DOCK2: variants seen among roughly 807,000 people sequenced by gnomAD.
DOCK2 encodes the protein dedicator of cytokinesis protein 2.
A neutral mutation model predicts 248.9 loss-of-function variants in DOCK2; 87 were observed. The observed-to-expected ratio is 0.35, with a 90% CI of 0.29 to 0.42. The LOEUF is 0.42. Among genes scored for constraint, DOCK2 ranks in the 10% least tolerant of loss-of-function variants. DOCK2 has a pLI of 1.00. For synonymous variants in DOCK2, 805 were observed against 821.6 expected (o/e 0.98, Z 0.35); for missense variants, 1,747 against 2,300.2 (o/e 0.76, Z 4.92).
intron 48 of DOCK2, among the ~76,000 whole-genome samples, chr5:170,078,373 C>T (rs1211811798): frequency 1.3e-5 from 2 of 152,194 alleles, no homozygotes; most frequent in Admixed American, 1.3e-4. Flanking sequence ...GTTACTCTTG[C>T]CCAGAGGGAA....
At chr5:169,946,357 G>A (rs1047763383) in intron 27 of DOCK2, among the ~76,000 whole-genome samples, 2 of 152,194 alleles carry the variant, frequency 1.3e-5, no homozygotes, top group Non-Finnish European at 2.9e-5. Flanking sequence ...TGAGGGGGAC[G>A]AGTCACAGGA....
chr5:170,075,438 T>C (rs898726943), intron 46 of DOCK2: 1 of 153,376 alleles, frequency 6.5e-6, no homozygotes, highest in Non-Finnish European at 1.5e-5. Context: ...ATATCCTTCT[T>C]CAGCAGCTGT....
intron 22 of DOCK2, among the ~76,000 whole-genome samples, chr5:169,743,845 A>G (rs1156966068): frequency 1.3e-5 from 2 of 148,350 alleles, no homozygotes; most frequent in Non-Finnish European, 3.0e-5. Flanking sequence ...TTTATATTTT[A>G]AGACATATAG....
chr5:169,646,898 C>A (rs1757501116), intron 1 of DOCK2, among the ~76,000 whole-genome samples: 1 of 152,232 alleles, frequency 6.6e-6, no homozygotes, highest in Admixed American at 6.5e-5. Flanking sequence ...TTCTTACAGT[C>A]TGTTCAGATC....
intron 25 of DOCK2, among the ~76,000 whole-genome samples, chr5:169,777,404 G>A (rs80241665): frequency 4.6e-5 from 7 of 152,322 alleles, no homozygotes; most frequent in Non-Finnish European, 7.3e-5. Context: ...GTCCTAGGCA[G>A]CCAAAGTAGA....
intron 27 of DOCK2, among the ~76,000 whole-genome samples, chr5:169,857,696 C>T (rs1581297640): frequency 6.7e-6 from 1 of 149,518 alleles, no homozygotes; most frequent in African/African-American, 2.5e-5. Flanking sequence ...TTAAGTCTCT[C>T]TTTGAGAAGA....
intron 25 of DOCK2, among the ~76,000 whole-genome samples, chr5:169,776,662 G>C (rs960551106): frequency 6.6e-6 from 1 of 152,126 alleles, no homozygotes; most frequent in Non-Finnish European, 1.5e-5. Flanking sequence ...TAACCCCCAC[G>C]TGTCAAGGGT....
rs1010923561 is a variant in DOCK2 at position 169,948,240 on chromosome 5, T to C, written c.2800-34828T>C. ...AAGATACTGTGGGGAACAGTGCAGA[T>C]GAAGGCCCTGCTCTCACAGAGCTTA... On this transcript the variant is annotated intron_variant, in intron 27 of 51. Transcript: ENST00000520908. 8.5e-5 allele frequency among the ~76,000 whole-genome samples: 13 copies of C among 152,306 alleles called. No individual in the cohort carries two copies. In the East Asian group the frequency reaches 2.5e-3, roughly 29 times the overall value.
chr5:169,678,779 C>T (rs1759483695), intron 6 of DOCK2, among the ~76,000 whole-genome samples: 1 of 151,318 alleles, frequency 6.6e-6, no homozygotes, highest in African/African-American at 2.4e-5. Context: ...GAGAAGTAAA[C>T]AGCCACTTTC....
At chr5:169,706,327 A>G (rs1761262540) in intron 14 of DOCK2, among the ~76,000 whole-genome samples, 1 of 152,262 alleles carries the variant, frequency 6.6e-6, no homozygotes, top group Non-Finnish European at 1.5e-5. Flanking sequence ...GTCAACAGAT[A>G]TAAATCTTTG....
At chr5:170,075,366 C>CTTTTATTATCAT (rs1757801813) in intron 46 of DOCK2, 1 of 152,562 alleles carries the variant, frequency 6.6e-6, no homozygotes, top group Non-Finnish European at 1.5e-5. Flanking sequence ...CTTCCTAAGG[C>CTTTTATTATCAT]TTTTATTATC....
chr5:169,934,258 A>C (rs1266835111), intron 27 of DOCK2, among the ~76,000 whole-genome samples: 2 of 152,162 alleles, frequency 1.3e-5, no homozygotes, highest in Non-Finnish European at 2.9e-5. Context: ...GAACAAGAAG[A>C]GTCCCTTCTA....
At chr5:169,943,587 CCCTCA>C (rs954676711) in intron 27 of DOCK2, among the ~76,000 whole-genome samples, 2 of 152,184 alleles carry the variant, frequency 1.3e-5, no homozygotes, top group Admixed American at 6.5e-5. Context: ...TATTTGGTTA[CCCTCA>C]CCTCCTGGCT....
intron 38 of DOCK2, 23 bp downstream of exon 38, chr5:170,042,155 C>T: frequency 1.9e-6 from 3 of 1,590,878 alleles, no homozygotes; most frequent in Non-Finnish European, 2.6e-6. Context: ...TGCCCACCCC[C>T]CGTGGGGACC....
intron 27 of DOCK2, among the ~76,000 whole-genome samples, chr5:169,927,726 C>T (rs1468068556): frequency 1.3e-5 from 2 of 152,230 alleles, no homozygotes; most frequent in African/African-American, 4.8e-5. Flanking sequence ...ATGCCATTCT[C>T]CTGCCTCAGC....
At chr5:169,800,435 C>G (rs1766895129) in intron 25 of DOCK2, among the ~76,000 whole-genome samples, 1 of 152,234 alleles carries the variant, frequency 6.6e-6, no homozygotes, top group Non-Finnish European at 1.5e-5. Context: ...GATTTACTGA[C>G]TCACTGCTAT....
In DOCK2 at chr5:169,858,397, G is replaced by A. The variant is rs544925670; in HGVS notation, c.2799+17545G>A. Among the ~76,000 whole-genome samples, 20 of 152,292 alleles carry A rather than the reference G, an allele frequency of 1.3e-4. No individual in the cohort carries two copies. In the South Asian group the frequency reaches 2.3e-3, roughly 17 times the overall value. The stretch of plus-strand genomic sequence containing the variant: ...GAAACCCCAACAGAGCTGCTGGGCA[G>A]GGAGGGTGGTGTAGGTGGGGAGTAT... On this transcript the variant is annotated intron_variant, in intron 27 of 51. Coordinates refer to ENST00000520908, the MANE Select transcript of DOCK2 (RefSeq NM_004946.3).
At chr5:169,996,030 G>A (rs916377922) in intron 29 of DOCK2, 56 bp from the exon 30 acceptor site, 52 of 1,583,868 alleles carry the variant, frequency 3.3e-5, no homozygotes, top group Admixed American at 1.7e-4. Flanking sequence ...GCATAAGGAC[G>A]AAGGAACTTA....
intron 27 of DOCK2, among the ~76,000 whole-genome samples, chr5:169,858,920 G>A (rs1771030328): frequency 6.6e-6 from 1 of 152,194 alleles, no homozygotes. Context: ...AGGCTGAGGT[G>A]AAAGGATTGC....
Sources: allele counts gnomAD v4.1 joint callset (sites outside exome capture counted in the v4.1 genomes callset), GRCh38; gene constraint gnomAD v4.1.1; transcripts MANE v1.5; gene names NCBI Gene and HGNC (gene_info 2026-07-23, HGNC 2026-07-21).